SORBS2: variants seen among roughly 807,000 people sequenced by gnomAD.
SORBS2 encodes sorbin and SH3 domain-containing protein 2.
In SORBS2, 46 loss-of-function variants were observed where a neutral mutation model predicts 97.7. The observed-to-expected ratio is 0.47, with a 90% CI of 0.37 to 0.60. The LOEUF is 0.60. Among genes scored for constraint, SORBS2 ranks in the 20% least tolerant of loss-of-function variants. The pLI is 0.00. For missense variants in SORBS2, 1,316 were observed against 1,282.3 expected (o/e 1.03, Z -0.40); for synonymous variants, 476 against 473.4 (o/e 1.01, Z -0.07).
At chr4:185,955,703 C>T (rs553781471) in intron 1 of SORBS2, among the ~76,000 whole-genome samples, 15 of 152,244 alleles carry the variant, frequency 9.9e-5, no homozygotes, top group African/African-American at 3.6e-4. Context: ...TGAAAATATG[C>T]AGTGTTCATT....
chr4:185,600,990 CCA>C (rs2096249122), intron 12 of SORBS2, among the ~76,000 whole-genome samples: 2 of 152,008 alleles, frequency 1.3e-5, no homozygotes, highest in African/African-American at 4.8e-5. Context: ...TATTTTCCTT[CCA>C]ATAGCGGACA....
At chr4:185,910,959 T>TA (rs199614292) in intron 1 of SORBS2, among the ~76,000 whole-genome samples, 196 of 149,600 alleles carry the variant, frequency 1.3e-3, no homozygotes, top group Non-Finnish European at 1.9e-3. Context: ...GTTTGATTTT[T>TA]TAAAAAAAAA....
chr4:185,903,526 T>C (rs1415111165), intron 1 of SORBS2, among the ~76,000 whole-genome samples: 2 of 152,204 alleles, frequency 1.3e-5, no homozygotes, highest in East Asian at 3.8e-4. Context: ...TCAAAATTCC[T>C]TTCCCCTCAA....
At chr4:185,594,788 A>G (rs909452615) in intron 12 of SORBS2, among the ~76,000 whole-genome samples, 3 of 152,200 alleles carry the variant, frequency 2.0e-5, no homozygotes, top group Admixed American at 2.0e-4. Flanking sequence ...GACTACCTAA[A>G]CTTTACCTTT....
At chr4:185,887,399 G>GA in intron 1 of SORBS2, among the ~76,000 whole-genome samples, 1 of 152,270 alleles carries the variant, frequency 6.6e-6, no homozygotes, top group East Asian at 1.9e-4. Context: ...TTGAAGGGTT[G>GA]AAAAACTACT....
At chr4:185,930,782 C>T (rs933605069) in intron 1 of SORBS2, among the ~76,000 whole-genome samples, 5 of 152,136 alleles carry the variant, frequency 3.3e-5, no homozygotes, top group Non-Finnish European at 5.9e-5. Flanking sequence ...CTATATTCTT[C>T]TTATAAAATA....
exon 4 of SORBS2, chr4:185,646,695 C>T (rs1454813635): frequency 1.2e-6 from 2 of 1,612,998 alleles, no homozygotes; most frequent in Admixed American, 1.7e-5. Context: ...GAATTGATGA[C>T]TTGCCAGGTT....
At chr4:185,862,995 C>CAA (rs1474187708) in intron 1 of SORBS2, among the ~76,000 whole-genome samples, 1 of 152,234 alleles carries the variant, frequency 6.6e-6, no homozygotes, top group Non-Finnish European at 1.5e-5. Flanking sequence ...TATGCCCCCT[C>CAA]ATCCCTGCCT....
intron 2 of SORBS2, among the ~76,000 whole-genome samples, chr4:185,720,839 G>T (rs2098507073): frequency 6.6e-6 from 1 of 152,148 alleles, no homozygotes; most frequent in Admixed American, 6.5e-5. Flanking sequence ...TGTGGGATGA[G>T]CAACCTTGAA....
In SORBS2 at chr4:185,952,280, G is replaced by A. The variant is rs905110690; in HGVS notation, c.-338+3916C>T. Among the ~76,000 whole-genome samples the A allele has an allele frequency of 1.9e-4, 29 of 152,196 alleles. 1 individual carries two copies. The highest frequency in any genetic ancestry group is 7.8e-4 in the Admixed American group (12 of 15,290). On this transcript the variant is annotated intron_variant, in intron 1 of 20. Coordinates refer to the SORBS2 transcript ENST00000284776. ...TGACCTCAAGAAATCCACCAGCCTCGGCCTCCCAAAGTGCTAGGATTACAG... is the reference window on the plus strand; with the variant it reads ...TGACCTCAAGAAATCCACCAGCCTCAGCCTCCCAAAGTGCTAGGATTACAG...
At chr4:185,587,672 G>A in exon 15 of SORBS2, 2 of 1,613,246 alleles carry the variant, frequency 1.2e-6, no homozygotes, top group Non-Finnish European at 1.7e-6. Context: ...CAAAGAATTT[G>A]GTTCTTCTTG....
chr4:185,784,347 G>A (rs944803756), intron 1 of SORBS2, among the ~76,000 whole-genome samples: 1 of 152,174 alleles, frequency 6.6e-6, no homozygotes. Flanking sequence ...GGCCAGGATG[G>A]TCTCGATCTC....
intron 2 of SORBS2, chr4:185,773,799 T>C (rs1191639695): frequency 1.3e-5 from 2 of 152,262 alleles, no homozygotes; most frequent in African/African-American, 4.8e-5. Flanking sequence ...CTGTGCTTTC[T>C]TCACAATGAA....
At chr4:185,791,993 A>T (rs2099082320) in intron 1 of SORBS2, among the ~76,000 whole-genome samples, 1 of 152,222 alleles carries the variant, frequency 6.6e-6, no homozygotes, top group South Asian at 2.1e-4. Context: ...ACAGCTTCTA[A>T]ATAATGTCCC....
At chr4:185,839,341 G>A (rs1266028609) in intron 1 of SORBS2, among the ~76,000 whole-genome samples, 1 of 152,180 alleles carries the variant, frequency 6.6e-6, no homozygotes. Context: ...CATTAGACCA[G>A]GACTGAAACA....
intron 1 of SORBS2, among the ~76,000 whole-genome samples, chr4:185,895,403 C>A (rs545257423): frequency 6.6e-6 from 1 of 152,240 alleles, no homozygotes; most frequent in Non-Finnish European, 1.5e-5. Flanking sequence ...AACCGAAGCT[C>A]GACTTAGGTT....
intron 2 of SORBS2, among the ~76,000 whole-genome samples, chr4:185,733,177 G>C (rs747069693): frequency 4.6e-5 from 7 of 152,258 alleles, no homozygotes; most frequent in Non-Finnish European, 1.0e-4. Context: ...CTCAAACAGA[G>C]CCTCTAGGTG....
chr4:185,914,037 AG>A (rs1161467609), intron 1 of SORBS2, among the ~76,000 whole-genome samples: 1 of 152,220 alleles, frequency 6.6e-6, no homozygotes, highest in Non-Finnish European at 1.5e-5. Flanking sequence ...CTTAAAAATA[AG>A]AAATTTTGAG....
chr4:185,848,412 AT>A (rs769738606), intron 1 of SORBS2, among the ~76,000 whole-genome samples: 2 of 151,918 alleles, frequency 1.3e-5, no homozygotes, highest in Non-Finnish European at 2.9e-5. Flanking sequence ...GCTTTGGCAA[AT>A]TTTTTTTCCA....
Sources: gnomAD v4.1 joint callset for allele counts (sites outside exome capture counted in the v4.1 genomes callset) on GRCh38, gnomAD v4.1.1 for gene constraint, MANE v1.5 for transcripts, NCBI Gene and HGNC (gene_info 2026-07-23, HGNC 2026-07-21) for gene names.